Variants in VPS35L observed in about 807,000 individuals in gnomAD.
VPS35L encodes VPS35 endosomal protein sorting factor like, also known as VPS35 endosomal protein-sorting factor-like.
A neutral mutation model predicts 133.0 loss-of-function variants in VPS35L; 83 were observed. That is an observed-to-expected ratio of 0.62 (90% CI 0.52 to 0.75). The LOEUF (loss-of-function observed/expected upper bound fraction) is 0.75, where lower values mean the gene tolerates loss of function less well. Among genes scored for constraint, VPS35L ranks in the 30% least tolerant of loss-of-function variants. The pLI is 0.00. For synonymous variants in VPS35L, 423 were observed against 449.9 expected (o/e 0.94, Z 0.76); for missense variants, 1,083 against 1,206.8 (o/e 0.90, Z 1.52).
chr16:19,692,384 G>A (rs1336954555), intron 29 of VPS35L, among the ~76,000 whole-genome samples: 1 of 152,186 alleles, frequency 6.6e-6, no homozygotes, highest in East Asian at 1.9e-4. Flanking sequence ...AGATGTAGAT[G>A]CTGTGTTTAT....
At chr16:19,659,585 A>G (rs935131214) in intron 26 of VPS35L, among the ~76,000 whole-genome samples, 1 of 152,198 alleles carries the variant, frequency 6.6e-6, no homozygotes, top group African/African-American at 2.4e-5. Flanking sequence ...ATCTTGCTTT[A>G]TGTACATATC....
chr16:19,561,823 T>C (rs971550377), intron 1 of VPS35L, among the ~76,000 whole-genome samples: 1 of 152,154 alleles, frequency 6.6e-6, no homozygotes. Context: ...GAAAAACTAT[T>C]GGCTGGGCTC....
intron 28 of VPS35L, among the ~76,000 whole-genome samples, chr16:19,683,695 C>A (rs1975364207): frequency 6.6e-6 from 1 of 152,202 alleles, no homozygotes; most frequent in Admixed American, 6.5e-5. Flanking sequence ...TTTATCCAAT[C>A]CACTGTTGAT....
chr16:19,593,796 A>ACCT (rs1972115991), intron 8 of VPS35L, among the ~76,000 whole-genome samples: 1 of 152,140 alleles, frequency 6.6e-6, no homozygotes, highest in African/African-American at 2.4e-5. Context: ...GCACACCTGT[A>ACCT]GTCCCAGCTA....
intron 2 of VPS35L, among the ~76,000 whole-genome samples, chr16:19,566,434 T>TGCAGAGGTTGCAGTGA (rs1369067470): frequency 6.6e-6 from 1 of 152,182 alleles, no homozygotes; most frequent in Admixed American, 6.5e-5. Flanking sequence ...AGGCAGAGGT[T>TGCAGAGGTTGCAGTGA]GCAGTGAGCT....
chr16:19,683,608 A>T (rs1975361675), intron 28 of VPS35L, among the ~76,000 whole-genome samples: 2 of 152,322 alleles, frequency 1.3e-5, no homozygotes, highest in East Asian at 1.9e-4. Flanking sequence ...AGTTGCACCC[A>T]TGTTGCCACA....
intron 29 of VPS35L, among the ~76,000 whole-genome samples, chr16:19,696,783 G>C (rs915214804): frequency 6.6e-6 from 1 of 152,176 alleles, no homozygotes; most frequent in Non-Finnish European, 1.5e-5. Context: ...ATATGGAATG[G>C]AGAAATAGCC....
chr16:19,680,702 A>G (rs1975240321), intron 27 of VPS35L, among the ~76,000 whole-genome samples: 1 of 152,168 alleles, frequency 6.6e-6, no homozygotes, highest in East Asian at 1.9e-4. Flanking sequence ...GCTTGAGCCC[A>G]GGACCTTGAG....
chr16:19,590,727 T>C lies in VPS35L; in HGVS notation c.640-1063T>C, dbSNP rs575425604. On this transcript the variant is annotated intron_variant, in intron 7 of 30. Transcript: ENST00000417362. ...ACTTTGGGAGGCTGAGGTGGGAGGATTGCTTGAGGTCAGGAGTTCAAGACC... is the reference window on the plus strand; with the variant it reads ...ACTTTGGGAGGCTGAGGTGGGAGGACTGCTTGAGGTCAGGAGTTCAAGACC... 1.7e-3 allele frequency among the ~76,000 whole-genome samples: 260 copies of C among 152,166 alleles called. 22 individuals are homozygous for C. Among genetic ancestry groups the C allele is most frequent in the South Asian group, 1.2e-3 (6 of 4,818 alleles).
At position 19,661,922 on chromosome 16, in the gene VPS35L, T is replaced by C. The variant is rs1162541637; in HGVS notation, c.2222-7238T>C. 2.0e-5 allele frequency among the ~76,000 whole-genome samples: 3 copies of C among 152,208 alleles called. No individual in the cohort carries two copies. In the East Asian group the frequency reaches 5.8e-4, roughly 29 times the overall value. On this transcript the variant is annotated intron_variant, in intron 26 of 30. Transcript: ENST00000417362. ...GCCATATTTCTGTTTTATACATTTC[T>C]AGGACTGAACATTTTACAGCAAACT... is the stretch of plus-strand genomic sequence containing the variant.
chr16:19,627,551 A>C (rs1353983423), intron 15 of VPS35L, 143 bp from the exon 16 acceptor site: 2 of 647,368 alleles, frequency 3.1e-6, no homozygotes, highest in Non-Finnish European at 5.5e-6. Flanking sequence ...TCTCCAGTTT[A>C]CCTTTTTACT....
intron 26 of VPS35L, chr16:19,652,821 T>TA (rs1369317559): frequency 1.3e-5 from 2 of 152,222 alleles, no homozygotes; most frequent in Non-Finnish European, 2.9e-5. Context: ...ATAGAACAAA[T>TA]ACCCTACAGT....
chr16:19,569,764 G>A (rs541166107), intron 3 of VPS35L, among the ~76,000 whole-genome samples, 173 bp downstream of exon 3: 5 of 151,990 alleles, frequency 3.3e-5, no homozygotes, highest in Non-Finnish European at 5.9e-5. Flanking sequence ...CAACTCCGGG[G>A]CTCAAGCAAT....
intron 19 of VPS35L, among the ~76,000 whole-genome samples, chr16:19,635,286 T>G (rs1973589638): frequency 6.6e-6 from 1 of 152,090 alleles, no homozygotes; most frequent in South Asian, 2.1e-4. Context: ...AGTTAGAGGC[T>G]GCAGTGAGCT....
At chr16:19,583,652 G>A (rs1015033258) in intron 7 of VPS35L, among the ~76,000 whole-genome samples, 21 of 151,700 alleles carry the variant, frequency 1.4e-4, no homozygotes, top group Non-Finnish European at 2.9e-4. Context: ...AACATGGGAG[G>A]TGGAGGTTGC....
chr16:19,696,765 T>C lies in VPS35L; in HGVS notation c.2647-2737T>C, dbSNP rs143970923. ...ACATGCGAATTGAGCTTTTTGCTAA[T>C]TGAGAAGATATGGAATGGAGAAATA... On this transcript the variant is annotated intron_variant, in intron 29 of 30. Transcript: ENST00000417362. Among the ~76,000 whole-genome samples the C allele has an allele frequency of 4.4e-4, 67 of 152,286 alleles. 1 individual carries two copies. The East Asian group carries it at 0.011, about 25-fold the overall frequency.
chr16:19,699,676 T>A lies in VPS35L; in HGVS notation c.2793+28T>A, dbSNP rs372740162. ...GAGGCGCTCGGAGGGCCCCGTGGTA[T>A]AAGCCCACTGGCCAGTGCACAACCA... is the stretch of plus-strand genomic sequence containing the variant. On this transcript the variant is annotated intron_variant, in intron 30 of 30. Coordinates refer to ENST00000417362, the MANE Select transcript of VPS35L (RefSeq NM_020314.7). This position sits in a 1 kb window ranked among gnomAD's most constrained non-coding sequence, Gnocchi z 4.2. 1.9e-6 allele frequency: 3 copies of A among 1,609,750 alleles called. No homozygotes were observed. In the African/African-American group the frequency reaches 4.0e-5, roughly 21 times the overall value.
chr16:19,690,943 CAGAG>C (rs1276242556), intron 28 of VPS35L, among the ~76,000 whole-genome samples: 3 of 149,332 alleles, frequency 2.0e-5, no homozygotes, highest in African/African-American at 7.4e-5. Flanking sequence ...GCCTGGGTGA[CAGAG>C]AGAGACTCCG....
At chr16:19,669,036 C>G (rs1974786844) in intron 26 of VPS35L, 124 bp from the exon 27 acceptor site, 1 of 947,278 alleles carries the variant, frequency 1.1e-6, no homozygotes. Context: ...TCTGCTAGGA[C>G]CTGCCCTCGG....
Sources: allele counts gnomAD v4.1 joint callset (sites outside exome capture counted in the v4.1 genomes callset), GRCh38; gene constraint gnomAD v4.1.1; non-coding constraint Gnocchi (gnomAD v3.1); transcripts MANE v1.5; gene names NCBI Gene and HGNC (gene_info 2026-07-23, HGNC 2026-07-21).